CNTNAP2: variants seen among roughly 807,000 people sequenced by gnomAD.
CNTNAP2 encodes the protein contactin-associated protein-like 2.
A neutral mutation model predicts 155.2 loss-of-function variants in CNTNAP2; 98 were observed. That is an observed-to-expected ratio of 0.63 (90% confidence interval 0.54 to 0.75). The LOEUF (loss-of-function observed/expected upper bound fraction) is 0.75, where lower values mean the gene tolerates loss of function less well. Ranked by LOEUF, CNTNAP2 falls within the 30% of genes least tolerant of loss-of-function variation. CNTNAP2 has a pLI of 0.00. For synonymous variants in CNTNAP2, 651 were observed against 631.2 expected (o/e 1.03, Z -0.47); for missense variants, 1,727 against 1,688.1 (o/e 1.02, Z -0.40).
At chr7:148,337,226 G>A (rs1456089151) in intron 21 of CNTNAP2, among the ~76,000 whole-genome samples, 2 of 151,644 alleles carry the variant, frequency 1.3e-5, no homozygotes, top group Non-Finnish European at 2.9e-5. Flanking sequence ...CTCCCTCTCT[G>A]CTCCCTGAGT....
chr7:147,065,620 A>G (rs1043424935), intron 4 of CNTNAP2, among the ~76,000 whole-genome samples: 1 of 152,144 alleles, frequency 6.6e-6, no homozygotes, highest in South Asian at 2.1e-4. Context: ...CCTGTCACTT[A>G]TATGTTCAGT....
chr7:146,476,879 T>C (rs1406467468), intron 1 of CNTNAP2, among the ~76,000 whole-genome samples: 1 of 152,198 alleles, frequency 6.6e-6, no homozygotes, highest in African/African-American at 2.4e-5. Flanking sequence ...CTCTAGCAAC[T>C]ATGGCTACGC....
chr7:147,392,612 G>C (rs952056729), intron 9 of CNTNAP2, among the ~76,000 whole-genome samples: 5 of 151,970 alleles, frequency 3.3e-5, no homozygotes, highest in Non-Finnish European at 7.4e-5. Flanking sequence ...ACGATGTTTG[G>C]TTTTCTATTC....
chr7:148,351,325 G>A (rs992181795), intron 21 of CNTNAP2, among the ~76,000 whole-genome samples: 3 of 152,052 alleles, frequency 2.0e-5, no homozygotes, highest in African/African-American at 7.2e-5. Context: ...TTAAGCAGGA[G>A]GCTGGAAGTA....
At chr7:147,218,681 T>C (rs900534308) in intron 8 of CNTNAP2, among the ~76,000 whole-genome samples, 3 of 152,154 alleles carry the variant, frequency 2.0e-5, no homozygotes, top group African/African-American at 7.2e-5. Flanking sequence ...CCTGTGAGCT[T>C]GAGAAGAATG....
chr7:148,412,483 A>G (rs1161884723), intron 23 of CNTNAP2, among the ~76,000 whole-genome samples: 1 of 152,248 alleles, frequency 6.6e-6, no homozygotes, highest in Non-Finnish European at 1.5e-5. Context: ...TTACTATTTC[A>G]TTAATTTCAT....
At chr7:146,575,462 GTAAT>G (rs1798510298) in intron 1 of CNTNAP2, among the ~76,000 whole-genome samples, 1 of 152,124 alleles carries the variant, frequency 6.6e-6, no homozygotes, top group South Asian at 2.1e-4. Context: ...ATATTTACTT[GTAAT>G]TAATTGTAAT....
At chr7:147,576,563 G>A (rs773129956) in intron 12 of CNTNAP2, among the ~76,000 whole-genome samples, 19 of 151,946 alleles carry the variant, frequency 1.3e-4, no homozygotes, top group Non-Finnish European at 2.2e-4. Context: ...GACTGAAAAA[G>A]ATCTATTTAA....
rs1271095460 is a variant in CNTNAP2, at chr7:146,906,346, G to T, written c.402+66442G>T. Among the ~76,000 whole-genome samples, 5 of 152,302 alleles carry T rather than the reference G, an allele frequency of 3.3e-5. No individual in the cohort carries two copies. In the East Asian group the frequency reaches 9.7e-4, roughly 30 times the overall value. ...GCCTCTGTAGGCTCCACCTCTGGGG[G>T]CAGGGCACAGACAAACAAAAAGACA... On this transcript the variant is annotated intron_variant, in intron 3 of 23. Transcript: ENST00000361727.
At chr7:147,948,150 C>T (rs904976058) in intron 14 of CNTNAP2, among the ~76,000 whole-genome samples, 1 of 151,770 alleles carries the variant, frequency 6.6e-6, no homozygotes, top group Non-Finnish European at 1.5e-5. Context: ...TCTAAGTATC[C>T]TCAATGGTGA....
chr7:148,277,635 C>T (rs1796896180), intron 21 of CNTNAP2, among the ~76,000 whole-genome samples: 1 of 149,290 alleles, frequency 6.7e-6, no homozygotes, highest in East Asian at 2.1e-4. Flanking sequence ...CTCCCCAGAG[C>T]CCCAGACTGG....
intron 3 of CNTNAP2, among the ~76,000 whole-genome samples, chr7:146,921,731 A>C (rs12703851): frequency 0.23 from 35,602 of 152,006 alleles, 5,434 homozygotes; most frequent in Non-Finnish European, 0.33. Context: ...TCAAGATGAG[A>C]TTTGGGGTGG....
chr7:147,726,402 G>T (rs1796643539), intron 13 of CNTNAP2, among the ~76,000 whole-genome samples: 1 of 151,934 alleles, frequency 6.6e-6, no homozygotes, highest in South Asian at 2.1e-4. Flanking sequence ...GACGAGGGTT[G>T]GTAGGAGGAA....
At chr7:147,516,181 C>A (rs889096027) in intron 11 of CNTNAP2, among the ~76,000 whole-genome samples, 1 of 152,062 alleles carries the variant, frequency 6.6e-6, no homozygotes, top group African/African-American at 2.4e-5. Context: ...AAAAAATGCA[C>A]AAATATTTCC....
intron 1 of CNTNAP2, among the ~76,000 whole-genome samples, chr7:146,620,496 G>A (rs1799299048): frequency 6.6e-6 from 1 of 152,112 alleles, no homozygotes; most frequent in Non-Finnish European, 1.5e-5. Context: ...TTGTGACTGA[G>A]GGAGGTTAAT....
chr7:147,630,931 C>T (rs1795076677), intron 12 of CNTNAP2, among the ~76,000 whole-genome samples: 1 of 151,966 alleles, frequency 6.6e-6, no homozygotes, highest in African/African-American at 2.4e-5. Context: ...GATGCCCACC[C>T]CCACCACCTC....
At chr7:147,691,869 T>A (rs867792733) in intron 13 of CNTNAP2, among the ~76,000 whole-genome samples, 8 of 152,220 alleles carry the variant, frequency 5.3e-5, no homozygotes, top group Admixed American at 1.3e-4. Context: ...GACACATCAT[T>A]ATCAATCCAA....
chr7:147,971,355 T>G (rs11763976), intron 14 of CNTNAP2, among the ~76,000 whole-genome samples: 5,384 of 152,174 alleles, frequency 0.035, 157 homozygotes, highest in South Asian at 0.13. Flanking sequence ...AGTGTACAGG[T>G]TTTTTTAGTA....
At chr7:147,997,671 TGA>T (rs1184666884) in intron 15 of CNTNAP2, among the ~76,000 whole-genome samples, 2 of 151,922 alleles carry the variant, frequency 1.3e-5, no homozygotes, top group African/African-American at 2.4e-5. Flanking sequence ...CAGGATGCTC[TGA>T]GAGAGAGAGG....
Sources: allele counts gnomAD v4.1 joint callset (sites outside exome capture counted in the v4.1 genomes callset), GRCh38; gene constraint gnomAD v4.1.1; transcripts MANE v1.5; gene names NCBI Gene and HGNC (gene_info 2026-07-23, HGNC 2026-07-21).